ZDHHC14: variants seen among roughly 807,000 people sequenced by gnomAD.
The protein encoded by ZDHHC14 is palmitoyltransferase ZDHHC14.
In ZDHHC14, 16 loss-of-function variants were observed where a neutral mutation model predicts 47.7. The ratio of observed to expected loss-of-function variants is 0.34; its 90% CI spans 0.23 to 0.51. The LOEUF (loss-of-function observed/expected upper bound fraction) is 0.51, where lower values mean the gene tolerates loss of function less well. Ranked by LOEUF, ZDHHC14 falls within the 20% of genes least tolerant of loss-of-function variation. The pLI is 0.97. For missense variants in ZDHHC14, 515 were observed against 662.5 expected (o/e 0.78, Z 2.44); for synonymous variants, 293 against 278.9 (o/e 1.05, Z -0.50).
intron 2 of ZDHHC14, among the ~76,000 whole-genome samples, chr6:157,576,908 G>A (rs951491165): frequency 6.6e-6 from 1 of 152,126 alleles, no homozygotes; most frequent in African/African-American, 2.4e-5. Context: ...TACATGTGCA[G>A]GTTTCTTATA....
chr6:157,562,163 G>A (rs997937023), intron 2 of ZDHHC14, among the ~76,000 whole-genome samples: 3 of 152,174 alleles, frequency 2.0e-5, no homozygotes, highest in African/African-American at 7.2e-5. Context: ...GGGGGCGTAG[G>A]GGCTGTGGGG....
chr6:157,623,182 C>T (rs1785260778), intron 3 of ZDHHC14, among the ~76,000 whole-genome samples: 1 of 152,134 alleles, frequency 6.6e-6, no homozygotes, highest in African/African-American at 2.4e-5. Context: ...CTTTGTGTCC[C>T]CACCCAAATC....
Position 157,639,373 on chromosome 6 carries a change from C to T in ZDHHC14, c.753-6364C>T, listed in dbSNP as rs186341295. Among the ~76,000 whole-genome samples, 400 of 152,346 alleles carry T rather than the reference C, an allele frequency of 2.6e-3. 1 individual carries two copies. The highest frequency in any genetic ancestry group is 9.3e-3 in the African/African-American group (388 of 41,594). On this transcript the variant is annotated intron_variant, in intron 5 of 8. Coordinates refer to ENST00000359775, the MANE Select transcript of ZDHHC14 (RefSeq NM_024630.3). Reference sequence around the variant, plus strand: ...AGGCTGGAATGCAGTGGCGAGACCTCGGCTCACTGCAACCTCCGCCTCCCA... The same window carrying T: ...AGGCTGGAATGCAGTGGCGAGACCTTGGCTCACTGCAACCTCCGCCTCCCA...
At chr6:157,600,657 T>A (rs944540900) in intron 3 of ZDHHC14, among the ~76,000 whole-genome samples, 15 of 152,156 alleles carry the variant, frequency 9.9e-5, no homozygotes, top group Admixed American at 6.5e-4. Flanking sequence ...TGGCCCACCT[T>A]GACATCCCAA....
chr6:157,400,100 A>G (rs1044351210), intron 1 of ZDHHC14, among the ~76,000 whole-genome samples: 1 of 152,170 alleles, frequency 6.6e-6, no homozygotes, highest in Non-Finnish European at 1.5e-5. Context: ...ATTCATTGAA[A>G]CTGAACTTTT....
rs748443068 is a variant in ZDHHC14, at chr6:157,502,940, C to G, written c.246-39645C>G. ...TCCTGTCCTCAAGTGATCAACTTGC[C>G]TTGGCTTCCCAAAGTATTGGAATTA... On this transcript the variant is annotated intron_variant, in intron 1 of 8. Transcript: ENST00000359775. This position sits in a 1 kb window ranked among gnomAD's most constrained non-coding sequence, Gnocchi z 4.0. 6.6e-6 allele frequency among the ~76,000 whole-genome samples: 1 copy of G among 152,198 alleles called. No individual in the cohort carries two copies. The highest frequency in any genetic ancestry group is 2.4e-5 in the African/African-American group (1 of 41,442).
intron 2 of ZDHHC14, among the ~76,000 whole-genome samples, chr6:157,591,220 T>C (rs1222356449): frequency 2.0e-5 from 3 of 152,186 alleles, no homozygotes; most frequent in African/African-American, 7.2e-5. Context: ...TGGAAAGGCA[T>C]GATTGTGTTT....
chr6:157,599,502 A>T (rs1272041707), intron 3 of ZDHHC14, among the ~76,000 whole-genome samples: 3 of 152,214 alleles, frequency 2.0e-5, no homozygotes, highest in African/African-American at 7.2e-5. Context: ...CGACTGCCCC[A>T]CACTCAGCAT....
chr6:157,480,283 T>C (rs1415492655), intron 1 of ZDHHC14, among the ~76,000 whole-genome samples: 1 of 148,102 alleles, frequency 6.8e-6, no homozygotes, highest in Non-Finnish European at 1.5e-5. Flanking sequence ...GCTTTTTTTT[T>C]TTTTTTCAGA....
chr6:157,541,888 G>A (rs1196099605), intron 1 of ZDHHC14, among the ~76,000 whole-genome samples: 2 of 152,204 alleles, frequency 1.3e-5, no homozygotes, highest in African/African-American at 2.4e-5. Flanking sequence ...TGAAAAGGTC[G>A]AGTTAAGAGT....
At chr6:157,443,120 T>C (rs1447605008) in intron 1 of ZDHHC14, among the ~76,000 whole-genome samples, 4 of 152,154 alleles carry the variant, frequency 2.6e-5, no homozygotes, top group Admixed American at 2.6e-4. Flanking sequence ...GTTTCCCCCA[T>C]GTTGTTCTCA....
chr6:157,438,658 C>T (rs1778493999), intron 1 of ZDHHC14, among the ~76,000 whole-genome samples: 1 of 152,240 alleles, frequency 6.6e-6, no homozygotes, highest in African/African-American at 2.4e-5. Context: ...AAGACTTTCT[C>T]AGGGAATAAA....
chr6:157,393,794 C>T (rs1479145184), intron 1 of ZDHHC14, among the ~76,000 whole-genome samples: 1 of 152,166 alleles, frequency 6.6e-6, no homozygotes, highest in Non-Finnish European at 1.5e-5. Flanking sequence ...TTCCTATTCT[C>T]CTGCATCTTG....
chr6:157,650,180 C>G (rs1384390488), intron 7 of ZDHHC14, among the ~76,000 whole-genome samples: 1 of 152,210 alleles, frequency 6.6e-6, no homozygotes, highest in African/African-American at 2.4e-5. Flanking sequence ...CAGTGAGGTG[C>G]GTGGGCCGCC....
chr6:157,552,979 G>A (rs1221901569), intron 2 of ZDHHC14, among the ~76,000 whole-genome samples: 1 of 152,212 alleles, frequency 6.6e-6, no homozygotes, highest in Admixed American at 6.5e-5. Context: ...CTGTATTCAG[G>A]GAGACCATGC....
At chr6:157,437,814 T>G (rs1778472240) in intron 1 of ZDHHC14, among the ~76,000 whole-genome samples, 1 of 152,120 alleles carries the variant, frequency 6.6e-6, no homozygotes. Context: ...CCATATTAAA[T>G]TAGGTGATTA....
chr6:157,405,953 A>T (rs887029995), intron 1 of ZDHHC14, among the ~76,000 whole-genome samples: 32 of 152,034 alleles, frequency 2.1e-4, no homozygotes, highest in African/African-American at 7.0e-4. Flanking sequence ...CCCATCCCCC[A>T]CCCCTGCTCG....
chr6:157,543,112 T>C (rs1781837359), intron 2 of ZDHHC14, among the ~76,000 whole-genome samples: 1 of 152,234 alleles, frequency 6.6e-6, no homozygotes, highest in African/African-American at 2.4e-5. Flanking sequence ...CCTTGGAGCA[T>C]GACCAGTTTC....
At chr6:157,585,199 C>G (rs1783645138) in intron 2 of ZDHHC14, among the ~76,000 whole-genome samples, 1 of 151,990 alleles carries the variant, frequency 6.6e-6, no homozygotes, top group African/African-American at 2.4e-5. Context: ...AAGAGCAAAA[C>G]TCCATCTCAA....
Sources: allele counts gnomAD v4.1 joint callset (sites outside exome capture counted in the v4.1 genomes callset), GRCh38; gene constraint gnomAD v4.1.1; non-coding constraint Gnocchi (gnomAD v3.1); transcripts MANE v1.5; gene names NCBI Gene and HGNC (gene_info 2026-07-23, HGNC 2026-07-21).